Variants in COL5A2 observed in about 807,000 individuals in gnomAD.
The protein encoded by COL5A2 is collagen alpha-2(V) chain.
In COL5A2, 23 loss-of-function variants were observed where a neutral mutation model predicts 208.2. The observed-to-expected ratio is 0.11, with a 90% CI of 0.08 to 0.16. COL5A2 has a LOEUF of 0.16. Among genes scored for constraint, COL5A2 ranks in the 10% least tolerant of loss-of-function variants. COL5A2 has a pLI of 1.00. For missense variants in COL5A2, 1,590 were observed against 1,956.4 expected (o/e 0.81, Z 3.53); for synonymous variants, 625 against 628.5 (o/e 0.99, Z 0.08).
the COL5A2 span, among the ~76,000 whole-genome samples, chr2:189,336,058 C>CA: frequency 1.3e-5 from 2 of 151,580 alleles, no homozygotes; most frequent in East Asian, 1.9e-4. Context: ...AATACAAAGA[C>CA]AAAAAATTAA....
At chr2:189,237,442 T>C in the COL5A2 span, among the ~76,000 whole-genome samples, 11 of 151,266 alleles carry the variant, frequency 7.3e-5, no homozygotes, top group Non-Finnish European at 1.2e-4. Context: ...ATGAATATAG[T>C]AGTCAATATT....
chr2:189,323,824 T>A, the COL5A2 span, among the ~76,000 whole-genome samples: 2 of 152,124 alleles, frequency 1.3e-5, no homozygotes, highest in Non-Finnish European at 1.5e-5. Flanking sequence ...AAAACTACTT[T>A]AAAGTTCATA....
intron 1 of COL5A2, among the ~76,000 whole-genome samples, chr2:189,166,022 T>C (rs769388802): frequency 3.3e-5 from 5 of 149,978 alleles, no homozygotes; most frequent in Non-Finnish European, 7.4e-5. Flanking sequence ...AAAGAACATA[T>C]GTTGAGAGAT....
the COL5A2 span, among the ~76,000 whole-genome samples, chr2:189,427,103 C>G: frequency 6.6e-6 from 1 of 152,266 alleles, no homozygotes; most frequent in African/African-American, 2.4e-5. Flanking sequence ...CCTCCCATCA[C>G]AGGCCCAGAT....
At chr2:189,404,417 G>C in the COL5A2 span, among the ~76,000 whole-genome samples, 1 of 152,112 alleles carries the variant, frequency 6.6e-6, no homozygotes. Context: ...TGAGCCTTTG[G>C]ATCCAGGACT....
At chr2:189,224,130 C>T (rs1295279013) in intron 1 of COL5A2, among the ~76,000 whole-genome samples, 5 of 151,466 alleles carry the variant, frequency 3.3e-5, no homozygotes, top group Admixed American at 6.6e-5. Flanking sequence ...AAATAACTGC[C>T]TGTTTCCTGT....
chr2:189,204,739 C>T (rs191747409), intron 1 of COL5A2, among the ~76,000 whole-genome samples: 19 of 152,254 alleles, frequency 1.2e-4, no homozygotes, highest in African/African-American at 4.3e-4. Flanking sequence ...ATGTGACTGC[C>T]TGGAGGATTG....
the COL5A2 span, among the ~76,000 whole-genome samples, chr2:189,316,436 A>G: frequency 7.2e-5 from 11 of 152,038 alleles, no homozygotes; most frequent in Non-Finnish European, 1.3e-4. Context: ...ATGGGTATAT[A>G]GGTGCAGCAA....
chr2:189,378,581 G>C, the COL5A2 span, among the ~76,000 whole-genome samples: 352 of 152,082 alleles, frequency 2.3e-3, 10 homozygotes, highest in East Asian at 0.06. Context: ...AAAATTAGCC[G>C]GGCATGGTGG....
At chr2:189,149,583 G>A (rs1688105990) in intron 1 of COL5A2, among the ~76,000 whole-genome samples, 1 of 152,096 alleles carries the variant, frequency 6.6e-6, no homozygotes, top group Non-Finnish European at 1.5e-5. Context: ...AACCAAAAAA[G>A]TCACATATGA....
At chr2:189,361,105 T>C in the COL5A2 span, among the ~76,000 whole-genome samples, 2 of 152,146 alleles carry the variant, frequency 1.3e-5, no homozygotes, top group Non-Finnish European at 2.9e-5. Flanking sequence ...TTTGTAAATG[T>C]CTGCTGTTAG....
chr2:189,061,665 G>T, intron 29 of COL5A2, 50 bp from the exon 30 acceptor site: 1 of 1,342,270 alleles, frequency 7.5e-7, no homozygotes, highest in South Asian at 1.2e-5. Context: ...ATCTTTGTCT[G>T]CTTCCTCTCT....
At chr2:189,110,090 A>T in intron 2 of COL5A2, 135 bp downstream of exon 2, 1 of 716,862 alleles carries the variant, frequency 1.4e-6, no homozygotes, top group Non-Finnish European at 2.5e-6. Flanking sequence ...CAAAATCATT[A>T]ATCATTAACC....
intron 1 of COL5A2, among the ~76,000 whole-genome samples, chr2:189,141,181 G>A (rs1014313233): frequency 2.0e-5 from 3 of 152,086 alleles, no homozygotes; most frequent in Admixed American, 2.0e-4. Context: ...TAAGGAAGCC[G>A]ACTTGGAAGT....
the COL5A2 span, among the ~76,000 whole-genome samples, chr2:189,368,448 G>A: frequency 8.0e-5 from 12 of 149,212 alleles, no homozygotes; most frequent in Middle Eastern, 3.2e-3. Context: ...TTCCAAGGGG[G>A]AAAAAAAAAC....
At chr2:189,271,614 C>CT in the COL5A2 span, among the ~76,000 whole-genome samples, 3 of 152,142 alleles carry the variant, frequency 2.0e-5, no homozygotes, top group Non-Finnish European at 4.4e-5. Context: ...GACTTCATGA[C>CT]TAAAACACCA....
chr2:189,047,435 G>A (rs1463964854), intron 45 of COL5A2, among the ~76,000 whole-genome samples: 1 of 152,052 alleles, frequency 6.6e-6, no homozygotes, highest in African/African-American at 2.4e-5. Context: ...GAGGTTGAGT[G>A]TCTATCCTGT....
chr2:189,260,688 T>C, the COL5A2 span, among the ~76,000 whole-genome samples: 19 of 152,196 alleles, frequency 1.2e-4, no homozygotes, highest in African/African-American at 4.6e-4. Context: ...GTTCTGCTAA[T>C]GGCATTTGGC....
the COL5A2 span, among the ~76,000 whole-genome samples, chr2:189,414,959 G>A: frequency 6.6e-6 from 1 of 151,906 alleles, no homozygotes; most frequent in Non-Finnish European, 1.5e-5. Context: ...TTAAATAATA[G>A]GTGTGAACAA....
Sources: gnomAD v4.1 joint callset for allele counts (sites outside exome capture counted in the v4.1 genomes callset) on GRCh38, gnomAD v4.1.1 for gene constraint, MANE v1.5 for transcripts, NCBI Gene and HGNC (gene_info 2026-07-23, HGNC 2026-07-21) for gene names.